The following FAM110B variants were observed in gnomAD, a reference collection of about 807,000 sequenced individuals.
FAM110B encodes the protein protein FAM110B.
Under a neutral mutation model 20.4 loss-of-function variants are expected in FAM110B, and 6 were observed. The ratio of observed to expected loss-of-function variants is 0.29; its 90% CI spans 0.16 to 0.58. The LOEUF is 0.58. Among genes scored for constraint, FAM110B ranks in the 20% least tolerant of loss-of-function variants. The pLI is 0.90. For synonymous variants in FAM110B, 226 were observed against 214.1 expected (o/e 1.06, Z -0.49); for missense variants, 434 against 498.2 (o/e 0.87, Z 1.23).
At chr8:58,002,766 T>C (rs1804324212) in intron 1 of FAM110B, among the ~76,000 whole-genome samples, 1 of 152,232 alleles carries the variant, frequency 6.6e-6, no homozygotes, top group Non-Finnish European at 1.5e-5. Context: ...ATTAAAATAC[T>C]TTATTGCTAA....
intron 1 of FAM110B, among the ~76,000 whole-genome samples, chr8:58,001,072 TATA>T (rs1325767015): frequency 1.3e-5 from 2 of 152,210 alleles, no homozygotes; most frequent in Non-Finnish European, 2.9e-5. Context: ...TAAACCGTTT[TATA>T]ATGTTTTGGT....
intron 3 of FAM110B, among the ~76,000 whole-genome samples, chr8:58,117,224 T>C (rs1807236240): frequency 6.6e-6 from 1 of 152,234 alleles, no homozygotes; most frequent in African/African-American, 2.4e-5. Context: ...GAGCTCTACC[T>C]GAGAACAGTT....
At chr8:58,081,412 G>A (rs1343591271) in intron 3 of FAM110B, among the ~76,000 whole-genome samples, 1 of 152,072 alleles carries the variant, frequency 6.6e-6, no homozygotes, top group Non-Finnish European at 1.5e-5. Context: ...TCGCCATATT[G>A]GATACGCTGG....
intron 2 of FAM110B, among the ~76,000 whole-genome samples, chr8:58,048,175 G>A (rs1408029944): frequency 6.6e-6 from 1 of 152,068 alleles, no homozygotes; most frequent in East Asian, 1.9e-4. Context: ...CTCTAACTTA[G>A]GCTCTTTCAG....
chr8:58,066,916 C>G (rs1010851038), intron 2 of FAM110B, among the ~76,000 whole-genome samples: 6 of 152,172 alleles, frequency 3.9e-5, no homozygotes, highest in Non-Finnish European at 7.4e-5. Context: ...CGCAATAGCC[C>G]TACGTGCAGC....
chr8:58,084,621 C>T (rs940193325), intron 3 of FAM110B, among the ~76,000 whole-genome samples: 9 of 152,098 alleles, frequency 5.9e-5, no homozygotes, highest in Admixed American at 1.3e-4. Flanking sequence ...ATCTCTTGAC[C>T]GTGTGATGCT....
rs147798629 is a variant in FAM110B, at chr8:58,030,944, C to T, written c.-511-662C>T. On this transcript the variant is annotated intron_variant, in intron 1 of 3. Coordinates refer to ENST00000519262, the MANE Select transcript of FAM110B (RefSeq NM_001377989.1). ...CTCCAGGAGTCTCCGTTTCTTTCCC[C>T]GTTTGTAAAAAGGAGTCATTTCTCG... is the stretch of plus-strand genomic sequence containing the variant. Among the ~76,000 whole-genome samples the T allele has an allele frequency of 1.1e-3, 165 of 152,192 alleles. 3 individuals are homozygous for T. Among genetic ancestry groups the T allele is most frequent in the African/African-American group, 3.8e-3 (157 of 41,534 alleles).
At chr8:58,103,143 G>A (rs1806824152) in intron 3 of FAM110B, among the ~76,000 whole-genome samples, 1 of 152,002 alleles carries the variant, frequency 6.6e-6, no homozygotes, top group South Asian at 2.1e-4. Context: ...AATGCAATAT[G>A]TACAGAAGGG....
At chr8:58,082,600 T>TAAG (rs1420682039) in intron 3 of FAM110B, among the ~76,000 whole-genome samples, 1 of 152,192 alleles carries the variant, frequency 6.6e-6, no homozygotes, top group Non-Finnish European at 1.5e-5. Context: ...TAATAGACTA[T>TAAG]AAGCAAGTTG....
intron 2 of FAM110B, among the ~76,000 whole-genome samples, chr8:58,050,322 A>T (rs376514031): frequency 4.4e-4 from 67 of 152,272 alleles, no homozygotes; most frequent in African/African-American, 1.5e-3. Flanking sequence ...AGAGGAAAGC[A>T]TACCAGTTTT....
intron 2 of FAM110B, among the ~76,000 whole-genome samples, chr8:58,064,689 TCC>T (rs1027736682): frequency 7.3e-4 from 111 of 152,320 alleles, no homozygotes; most frequent in African/African-American, 2.5e-3. Flanking sequence ...TGCTAGGCAC[TCC>T]CTAAATGCTT....
At position 58,146,522 on chromosome 8, in the gene FAM110B, C is replaced by G. The variant is rs745759037; in HGVS notation, c.292C>G (p.Leu98Val). ...AAKRALGSPT[L>V]KVFGNHAKTE... ...CAAGCGCGCACTGGGCAGCCCCACG[C>G]TCAAAGTGTTCGGCAACCACGCCAA... The change falls in exon 4 of 4, where the codon CTC (leucine) becomes GTC (valine). Residue 98 changes from leucine to valine, a missense_variant. By Grantham distance (32) the Leu-to-Val change is conservative (BLOSUM62 1). Around this residue, in one of 3 missense-constraint regions of FAM110B, gnomAD observed 284 missense variants for 278.3 expected, o/e 1.02. Coordinates refer to ENST00000519262, the MANE Select transcript of FAM110B (RefSeq NM_001377989.1). The G allele has an allele frequency of 6.2e-7, 1 of 1,613,944 alleles. No individual in the cohort carries two copies. Among genetic ancestry groups the G allele is most frequent in the African/African-American group, 1.3e-5 (1 of 75,068 alleles).
chr8:58,007,760 C>A (rs544981124), intron 1 of FAM110B, among the ~76,000 whole-genome samples: 2 of 152,276 alleles, frequency 1.3e-5, no homozygotes, highest in African/African-American at 4.8e-5. Context: ...TTCCAACCTC[C>A]AGGACTGTGA....
At chr8:58,094,155 C>T (rs186686785) in intron 3 of FAM110B, among the ~76,000 whole-genome samples, 4 of 152,250 alleles carry the variant, frequency 2.6e-5, no homozygotes, top group Admixed American at 6.5e-5. Flanking sequence ...TGGGCTGAGA[C>T]GATGGTGTTT....
intron 3 of FAM110B, among the ~76,000 whole-genome samples, chr8:58,117,080 T>G: frequency 6.6e-6 from 1 of 152,146 alleles, no homozygotes; most frequent in Non-Finnish European, 1.5e-5. Flanking sequence ...GCAGGTTTAT[T>G]TTATAGCATT....
At chr8:58,074,456 C>T (rs1719815392) in intron 2 of FAM110B, among the ~76,000 whole-genome samples, 1 of 152,168 alleles carries the variant, frequency 6.6e-6, no homozygotes, top group African/African-American at 2.4e-5. Context: ...CCCCAGAGAG[C>T]CCATGGCTTG....
At chr8:58,074,825 G>C (rs894799049) in intron 2 of FAM110B, among the ~76,000 whole-genome samples, 1 of 152,158 alleles carries the variant, frequency 6.6e-6, no homozygotes, top group South Asian at 2.1e-4. Context: ...TAGATGGGGA[G>C]TGTGTACCAG....
At chr8:58,060,161 G>A (rs1805626394) in intron 2 of FAM110B, among the ~76,000 whole-genome samples, 1 of 152,058 alleles carries the variant, frequency 6.6e-6, no homozygotes, top group Non-Finnish European at 1.5e-5. Flanking sequence ...TGTCCTCTGG[G>A]GGAAGAGGAT....
chr8:58,013,235 A>G (rs1804574861), intron 1 of FAM110B, among the ~76,000 whole-genome samples: 1 of 152,234 alleles, frequency 6.6e-6, no homozygotes, highest in Non-Finnish European at 1.5e-5. Context: ...ATCTTTCCCC[A>G]AAGTGGATCA....
Sources: gnomAD v4.1 joint callset for allele counts (sites outside exome capture counted in the v4.1 genomes callset) on GRCh38, gnomAD v4.1.1 for gene constraint, gnomAD v4.1.1 regional missense constraint, MANE v1.5 for transcripts, NCBI Gene and HGNC (gene_info 2026-07-23, HGNC 2026-07-21) for gene names.